The following TMCC1 variants were observed in gnomAD, a reference collection of about 807,000 sequenced individuals.
TMCC1 encodes the protein transmembrane and coiled-coil domains protein 1.
A neutral mutation model predicts 52.4 loss-of-function variants in TMCC1; 15 were observed. The ratio of observed to expected loss-of-function variants is 0.29; its 90% CI spans 0.19 to 0.44. The LOEUF (loss-of-function observed/expected upper bound fraction) is 0.44. Among genes scored for constraint, TMCC1 ranks in the 20% least tolerant of loss-of-function variants. The pLI is 1.00. For missense variants in TMCC1, 503 were observed against 806.0 expected (o/e 0.62, Z 4.55); for synonymous variants, 279 against 301.9 (o/e 0.92, Z 0.79).
chr3:129,699,169 AAC>A (rs1423715875), intron 4 of TMCC1, among the ~76,000 whole-genome samples: 2 of 152,204 alleles, frequency 1.3e-5, no homozygotes, highest in Non-Finnish European at 2.9e-5. Flanking sequence ...TGGGTAAAAT[AAC>A]ACTGAGACTT....
chr3:129,680,904 A>G (rs986840027), intron 4 of TMCC1, among the ~76,000 whole-genome samples: 1 of 151,918 alleles, frequency 6.6e-6, no homozygotes, highest in Non-Finnish European at 1.5e-5. Flanking sequence ...TGTCTCAAAA[A>G]AAAAAAAAAG....
chr3:129,831,277 A>T (rs1196931290), intron 3 of TMCC1, among the ~76,000 whole-genome samples: 1 of 152,176 alleles, frequency 6.6e-6, no homozygotes, highest in East Asian at 1.9e-4. Context: ...ATTGATTACA[A>T]GGAAATGTTA....
At chr3:129,754,169 G>C (rs927590031) in intron 4 of TMCC1, among the ~76,000 whole-genome samples, 1 of 152,244 alleles carries the variant, frequency 6.6e-6, no homozygotes, top group East Asian at 1.9e-4. Flanking sequence ...AGCTATAAAC[G>C]TGACAAAATA....
intron 2 of TMCC1, among the ~76,000 whole-genome samples, chr3:129,869,882 G>A (rs952207513): frequency 2.0e-5 from 3 of 152,186 alleles, no homozygotes; most frequent in Non-Finnish European, 2.9e-5. Context: ...ACAAAACTCT[G>A]AGATGCAGAT....
At chr3:129,807,172 T>C (rs2057514732) in intron 4 of TMCC1, among the ~76,000 whole-genome samples, 1 of 152,156 alleles carries the variant, frequency 6.6e-6, no homozygotes, top group Admixed American at 6.6e-5. Context: ...GTAATTCTTC[T>C]TTTAGAAGTC....
intron 2 of TMCC1, among the ~76,000 whole-genome samples, chr3:129,859,955 A>G (rs2060313915): frequency 6.6e-6 from 1 of 152,170 alleles, no homozygotes; most frequent in Admixed American, 6.5e-5. Context: ...ACTACATCAG[A>G]TAATTTTTGA....
intron 2 of TMCC1, among the ~76,000 whole-genome samples, chr3:129,870,284 A>C (rs1385186324): frequency 2.0e-5 from 3 of 152,144 alleles, no homozygotes; most frequent in African/African-American, 7.2e-5. Flanking sequence ...AAAGTCATCA[A>C]GACACTACTT....
At chr3:129,852,430 C>G (rs2059954781) in intron 2 of TMCC1, among the ~76,000 whole-genome samples, 1 of 135,756 alleles carries the variant, frequency 7.4e-6, no homozygotes, top group African/African-American at 2.8e-5. Flanking sequence ...GCACTCCAGC[C>G]TGGGTGACAG....
chr3:129,672,928 G>A (rs2088081210), intron 4 of TMCC1, among the ~76,000 whole-genome samples: 1 of 151,974 alleles, frequency 6.6e-6, no homozygotes, highest in Non-Finnish European at 1.5e-5. Flanking sequence ...GAGCTATGCT[G>A]ATCTCTGAGC....
intron 4 of TMCC1, among the ~76,000 whole-genome samples, chr3:129,816,311 T>C (rs1307519573): frequency 6.6e-6 from 1 of 152,112 alleles, no homozygotes; most frequent in Non-Finnish European, 1.5e-5. Context: ...CTATTCACAA[T>C]AGCCAAAACA....
intron 4 of TMCC1, among the ~76,000 whole-genome samples, chr3:129,814,747 T>C (rs2058012700): frequency 6.6e-6 from 1 of 152,062 alleles, no homozygotes; most frequent in East Asian, 1.9e-4. Context: ...AGAGTAGAAG[T>C]AGCTATACTT....
chr3:129,770,188 A>T (rs2054442317), intron 4 of TMCC1, among the ~76,000 whole-genome samples: 1 of 152,198 alleles, frequency 6.6e-6, no homozygotes, highest in African/African-American at 2.4e-5. Context: ...AGAGCAAAAA[A>T]ATTCTAACTA....
At chr3:129,855,483 T>TA (rs1178158670) in intron 2 of TMCC1, among the ~76,000 whole-genome samples, 1 of 150,326 alleles carries the variant, frequency 6.7e-6, no homozygotes, top group Non-Finnish European at 1.5e-5. Flanking sequence ...TCTAGACACT[T>TA]AAAAAATCAA....
At chr3:129,712,519 C>T (rs2048775931) in intron 4 of TMCC1, among the ~76,000 whole-genome samples, 1 of 152,220 alleles carries the variant, frequency 6.6e-6, no homozygotes, top group Admixed American at 6.5e-5. Context: ...ACAATCACCA[C>T]TCATTGCAGC....
chr3:129,735,758 G>A (rs2050907203), intron 4 of TMCC1, among the ~76,000 whole-genome samples: 2 of 152,036 alleles, frequency 1.3e-5, no homozygotes, highest in South Asian at 2.1e-4. Context: ...TATATCCTAA[G>A]TAAAGGTCTC....
chr3:129,869,093 A>C (rs1439262214), intron 2 of TMCC1: 2 of 151,992 alleles, frequency 1.3e-5, no homozygotes. Flanking sequence ...GGGCCTCTAG[A>C]TAGCTTCAGG....
At chr3:129,688,345 A>G in intron 4 of TMCC1, 2 of 985,346 alleles carry the variant, frequency 2.0e-6, no homozygotes, top group Non-Finnish European at 2.4e-6. Flanking sequence ...GAGCTGTGGC[A>G]TAGTCTGTCA....
chr3:129,788,422 A>G (rs1350231841), intron 4 of TMCC1, among the ~76,000 whole-genome samples: 1 of 152,082 alleles, frequency 6.6e-6, no homozygotes, highest in African/African-American at 2.4e-5. Flanking sequence ...CATTCCCACT[A>G]CATCAACAAT....
chr3:129,828,516 TAA>T lies in TMCC1; in HGVS notation c.-130-10_-130-9del. 2 of 754,966 alleles carry T rather than the reference TAA, an allele frequency of 2.6e-6. No individual in the cohort carries two copies. Among genetic ancestry groups the T allele is most frequent in the Non-Finnish European group, 4.1e-6 (2 of 484,150 alleles). 46.8% of individuals were successfully genotyped at this position (754,966 alleles called of 1,614,324 possible). A position where few individuals can be genotyped will look rare whatever the true frequency, so the allele number is the denominator to read the frequency against. On this transcript the variant is annotated splice_polypyrimidine_tract_variant and intron_variant, in intron 3 of 6. Transcript: ENST00000393238. This position sits in a 1 kb window ranked among gnomAD's most constrained non-coding sequence, Gnocchi z 4.1. ...CGAAGGCTTCATGCCTATCTAATGT[TAA>T]AAACAAAAAAACAAAAAAACAAAAA...
Sources: allele counts gnomAD v4.1 joint callset (sites outside exome capture counted in the v4.1 genomes callset), GRCh38; gene constraint gnomAD v4.1.1; non-coding constraint Gnocchi (gnomAD v3.1); transcripts MANE v1.5; gene names NCBI Gene and HGNC (gene_info 2026-07-23, HGNC 2026-07-21).